Variants in KSR2 observed in about 807,000 individuals in gnomAD.
KSR2 encodes the protein kinase suppressor of ras 2.
In KSR2, 25 loss-of-function variants were observed where a neutral mutation model predicts 107.8. That is an observed-to-expected ratio of 0.23 (90% CI 0.17 to 0.32). The LOEUF is 0.32. Among genes scored for constraint, KSR2 ranks in the 10% least tolerant of loss-of-function variants. The probability of loss-of-function intolerance (pLI) is 1.00; values close to 1 mark genes in which losing one functional copy is unlikely to be tolerated. For missense variants in KSR2, 887 were observed against 1,268.9 expected (o/e 0.70, Z 4.57); for synonymous variants, 480 against 507.0 (o/e 0.95, Z 0.71).
chr12:117,860,515 C>G, intron 1 of KSR2, 84 bp from the exon 2 acceptor site: 2 of 1,327,748 alleles, frequency 1.5e-6, no homozygotes, highest in South Asian at 1.5e-5. Context: ...TACGAACCCC[C>G]ACCCTAAACC....
intron 14 of KSR2, among the ~76,000 whole-genome samples, chr12:117,516,739 A>T (rs1874402485): frequency 6.6e-6 from 1 of 152,180 alleles, no homozygotes; most frequent in Non-Finnish European, 1.5e-5. Flanking sequence ...CCAAATGCCA[A>T]AGGGGAGTGT....
At chr12:117,688,895 A>G (rs1288712790) in intron 4 of KSR2, among the ~76,000 whole-genome samples, 2 of 150,724 alleles carry the variant, frequency 1.3e-5, no homozygotes, top group African/African-American at 2.4e-5. Flanking sequence ...CATTTAGCAG[A>G]TCTCCTTCTT....
At chr12:117,843,174 T>C (rs557850517) in intron 3 of KSR2, among the ~76,000 whole-genome samples, 1 of 151,956 alleles carries the variant, frequency 6.6e-6, no homozygotes, top group East Asian at 1.9e-4. Flanking sequence ...ATTTTACAGA[T>C]GAGGAAAGCA....
chr12:117,763,970 A>C (rs116688314), intron 3 of KSR2, among the ~76,000 whole-genome samples: 1,580 of 152,266 alleles, frequency 0.01, 36 homozygotes, highest in African/African-American at 0.036. Flanking sequence ...TGGGGCGCAA[A>C]GAAATTCCTA....
At chr12:117,749,887 A>G (rs1888549134) in intron 4 of KSR2, among the ~76,000 whole-genome samples, 2 of 152,142 alleles carry the variant, frequency 1.3e-5, no homozygotes, top group South Asian at 4.1e-4. Flanking sequence ...TCCAGAGCTA[A>G]GGAAGAGGGC....
chr12:117,817,838 C>A (rs1182848509), intron 3 of KSR2, among the ~76,000 whole-genome samples: 2 of 150,044 alleles, frequency 1.3e-5, no homozygotes, highest in African/African-American at 2.5e-5. Flanking sequence ...CGGTGGCTCA[C>A]ACCTGTAATC....
At chr12:117,571,912 G>C (rs1400208853) in intron 7 of KSR2, among the ~76,000 whole-genome samples, 1 of 152,124 alleles carries the variant, frequency 6.6e-6, no homozygotes, top group Non-Finnish European at 1.5e-5. Flanking sequence ...GGGATGATGA[G>C]AGCCTGAGTC....
intron 1 of KSR2, among the ~76,000 whole-genome samples, chr12:117,938,396 G>A (rs1895907711): frequency 6.6e-6 from 1 of 152,038 alleles, no homozygotes; most frequent in South Asian, 2.1e-4. Flanking sequence ...GCTCATGCCT[G>A]TAATCCCAGC....
At chr12:117,954,426 G>A (rs562908405) in intron 1 of KSR2, among the ~76,000 whole-genome samples, 1 of 152,338 alleles carries the variant, frequency 6.6e-6, no homozygotes, top group South Asian at 2.1e-4. Context: ...GATGGGAGGT[G>A]CATCGTCTGT....
At chr12:117,923,215 C>CATCT (rs368881568) in intron 1 of KSR2, among the ~76,000 whole-genome samples, 161 of 152,218 alleles carry the variant, frequency 1.1e-3, no homozygotes, top group South Asian at 7.5e-3. Context: ...AACTATCTAT[C>CATCT]ATCTATCTAT....
At chr12:117,801,798 G>T (rs904606134) in intron 3 of KSR2, among the ~76,000 whole-genome samples, 2 of 150,004 alleles carry the variant, frequency 1.3e-5, no homozygotes, top group African/African-American at 5.0e-5. Flanking sequence ...ATATCAGATG[G>T]AGAAGGGGCC....
intron 1 of KSR2, among the ~76,000 whole-genome samples, chr12:117,900,361 A>G (rs1894644127): frequency 6.6e-6 from 1 of 152,184 alleles, no homozygotes. Context: ...AACAGACCCT[A>G]TAAGAAAGAA....
intron 5 of KSR2, among the ~76,000 whole-genome samples, chr12:117,604,410 C>A (rs1405020368): frequency 6.6e-6 from 1 of 152,146 alleles, no homozygotes; most frequent in Non-Finnish European, 1.5e-5. Flanking sequence ...CGTTTGGGTA[C>A]ATAAGAATTG....
intron 5 of KSR2, among the ~76,000 whole-genome samples, chr12:117,664,205 GA>G (rs1884555103): frequency 6.6e-6 from 1 of 151,880 alleles, no homozygotes; most frequent in African/African-American, 2.4e-5. Context: ...CCAAGAAGGT[GA>G]TGTCCTTCTC....
chr12:117,792,655 C>G (rs577657698), intron 3 of KSR2, among the ~76,000 whole-genome samples: 2 of 152,330 alleles, frequency 1.3e-5, no homozygotes, highest in Admixed American at 1.3e-4. Context: ...CTGCCTCTGT[C>G]CCTGTGTCTG....
chr12:117,505,309 C>G (rs906139975), intron 14 of KSR2, among the ~76,000 whole-genome samples: 1 of 152,136 alleles, frequency 6.6e-6, no homozygotes, highest in Admixed American at 6.6e-5. Context: ...TAGCTGGCCC[C>G]ATTTTCCATC....
chr12:117,886,665 G>A (rs78620835), intron 1 of KSR2, among the ~76,000 whole-genome samples: 1,720 of 152,070 alleles, frequency 0.011, 30 homozygotes, highest in African/African-American at 0.038. Context: ...GTCATTTAGC[G>A]ACATATGACA....
At chr12:117,651,955 G>C (rs1383524023) in intron 5 of KSR2, among the ~76,000 whole-genome samples, 1 of 152,212 alleles carries the variant, frequency 6.6e-6, no homozygotes, top group East Asian at 1.9e-4. Flanking sequence ...GGGCCAAGTG[G>C]CAGCACTCAA....
chr12:117,608,923 T>C (rs532783750), intron 5 of KSR2, among the ~76,000 whole-genome samples: 1 of 152,192 alleles, frequency 6.6e-6, no homozygotes, highest in Admixed American at 6.5e-5. Context: ...TAGCTCAGAC[T>C]TGGGGTGCAC....
Sources: gnomAD v4.1 joint callset for allele counts (sites outside exome capture counted in the v4.1 genomes callset) on GRCh38, gnomAD v4.1.1 for gene constraint, MANE v1.5 for transcripts, NCBI Gene and HGNC (gene_info 2026-07-23, HGNC 2026-07-21) for gene names.